Variants in CACNA1A observed in about 807,000 individuals in gnomAD.
The protein encoded by CACNA1A is calcium voltage-gated channel subunit alpha1 A, also known as voltage-dependent P/Q-type calcium channel subunit alpha-1A.
Under a neutral mutation model 262.4 loss-of-function variants are expected in CACNA1A, and 57 were observed. That is an observed-to-expected ratio of 0.22 (90% CI 0.18 to 0.27). The LOEUF is 0.27. Among genes scored for constraint, CACNA1A ranks in the 10% least tolerant of loss-of-function variants. The pLI, the probability that CACNA1A is intolerant of heterozygous loss-of-function variation, is 1.00. For missense variants in CACNA1A, 2,526 were observed against 3,562.8 expected (o/e 0.71, Z 7.41); for synonymous variants, 1,431 against 1,419.3 (o/e 1.01, Z -0.18).
intron 43 of CACNA1A, chr19:13,211,180 A>G: frequency 5.9e-6 from 1 of 168,378 alleles, no homozygotes; most frequent in South Asian, 1.4e-4. Context: ...ACCCTGGTCC[A>G]GCCAGGCACA....
At chr19:13,375,517 G>T (rs1324040979) in intron 3 of CACNA1A, among the ~76,000 whole-genome samples, 1 of 152,200 alleles carries the variant, frequency 6.6e-6, no homozygotes, top group Non-Finnish European at 1.5e-5. Context: ...GCCAGGGATG[G>T]TGGCTCATGC....
chr19:13,456,098 C>T (rs1283791696), intron 1 of CACNA1A, among the ~76,000 whole-genome samples: 4 of 149,264 alleles, frequency 2.7e-5, no homozygotes, highest in South Asian at 4.3e-4. Flanking sequence ...TGCAGTGAGC[C>T]GAGATCATGC....
Position 13,239,754 on chromosome 19 carries a change from G to T in CACNA1A, c.4951-4024C>A, listed in dbSNP as rs113524359. Among the ~76,000 whole-genome samples, 516 of 152,104 alleles carry T rather than the reference G, an allele frequency of 3.4e-3. 4 individuals carry two copies. The highest frequency in any genetic ancestry group is 0.012 in the African/African-American group (496 of 41,506). On this transcript the variant is annotated intron_variant, in intron 31 of 46. Transcript: ENST00000360228. ...GTGTGCAGTATGTACTGGAGTGGGG[G>T]TACAGGGTGGGTAGATGTAGCAGAG...
At chr19:13,489,936 C>T (rs1322046408) in intron 1 of CACNA1A, among the ~76,000 whole-genome samples, 2 of 152,180 alleles carry the variant, frequency 1.3e-5, no homozygotes, top group African/African-American at 4.8e-5. Flanking sequence ...AGCCTTAGTA[C>T]TTACCACACT....
intron 3 of CACNA1A, 95 bp from the exon 4 acceptor site, chr19:13,371,874 G>T: frequency 1.1e-6 from 1 of 893,764 alleles, no homozygotes; most frequent in Non-Finnish European, 1.8e-6. Context: ...GTCCTGTATT[G>T]GTTGGGTGAC....
intron 3 of CACNA1A, among the ~76,000 whole-genome samples, chr19:13,436,193 T>A (rs536565452): frequency 1.7e-4 from 26 of 152,308 alleles, no homozygotes; most frequent in African/African-American, 6.3e-4. Context: ...GAGCCTTCGC[T>A]TTTTCGAAGC....
chr19:13,209,241 T>TCCGC, intron 45 of CACNA1A, 71 bp downstream of exon 45: 1 of 1,418,914 alleles, frequency 7.0e-7, no homozygotes, highest in Non-Finnish European at 9.2e-7. Context: ...TAGTGTCTCC[T>TCCGC]CCGCCCTGCC....
chr19:13,252,803 G>A, intron 30 of CACNA1A, 188 bp downstream of exon 30: 2 of 460,376 alleles, frequency 4.3e-6, no homozygotes, highest in Non-Finnish European at 7.8e-6. Context: ...CTCACAGGTT[G>A]GGTCTCCCTG....
At chr19:13,246,873 G>A (rs551473251) in intron 30 of CACNA1A, among the ~76,000 whole-genome samples, 28 of 152,046 alleles carry the variant, frequency 1.8e-4, no homozygotes, top group African/African-American at 6.5e-4. Flanking sequence ...TGATCCATCC[G>A]CCTCGGCCTC....
intron 3 of CACNA1A, among the ~76,000 whole-genome samples, chr19:13,396,691 T>C (rs187631702): frequency 8.6e-4 from 131 of 152,330 alleles, no homozygotes; most frequent in Admixed American, 1.8e-3. Flanking sequence ...GATTACATAA[T>C]CGAGGGCGTG....
chr19:13,367,294 CAA>C (rs71168702), intron 4 of CACNA1A, among the ~76,000 whole-genome samples: 3 of 64,786 alleles, frequency 4.6e-5, no homozygotes, highest in African/African-American at 2.1e-4. Context: ...GACTCTGTCT[CAA>C]AAAAAAAAAA....
intron 1 of CACNA1A, among the ~76,000 whole-genome samples, chr19:13,492,924 AG>A (rs36106920): frequency 6.6e-6 from 1 of 152,090 alleles, no homozygotes; most frequent in Non-Finnish European, 1.5e-5. Context: ...TACGTTCCTA[AG>A]GGTGTGGGGA....
At chr19:13,313,973 T>A (rs2058080615) in intron 11 of CACNA1A, among the ~76,000 whole-genome samples, 1 of 152,168 alleles carries the variant, frequency 6.6e-6, no homozygotes, top group South Asian at 2.1e-4. Flanking sequence ...CCCCTAGAAA[T>A]CCTGTGTTGT....
intron 30 of CACNA1A, among the ~76,000 whole-genome samples, chr19:13,246,390 C>T (rs2056234791): frequency 6.6e-6 from 1 of 152,186 alleles, no homozygotes; most frequent in Non-Finnish European, 1.5e-5. Flanking sequence ...TCTCTAGCCT[C>T]TCAACCCTGG....
intron 6 of CACNA1A, among the ~76,000 whole-genome samples, chr19:13,357,576 C>T (rs2059027701): frequency 6.6e-6 from 1 of 152,198 alleles, no homozygotes. Context: ...GAATCCTTGG[C>T]TCTGCCCCAC....
At chr19:13,376,855 T>C (rs1039148000) in intron 3 of CACNA1A, among the ~76,000 whole-genome samples, 7 of 144,234 alleles carry the variant, frequency 4.9e-5, no homozygotes, top group Admixed American at 2.8e-4. Context: ...ATATAACACA[T>C]ATGTTATATG....
In CACNA1A at chr19:13,337,595, G is replaced by A. The variant is rs183587534; in HGVS notation, c.979-1686C>T. On this transcript the variant is annotated intron_variant, in intron 6 of 46. Coordinates refer to ENST00000360228, the MANE Select transcript of CACNA1A (RefSeq NM_001127222.2). ...CTATTTCCAAATAAGGTCACATTCT[G>A]AGGTACTGGGGGTTAGGACTTCAAC... Among the ~76,000 whole-genome samples the A allele has an allele frequency of 2.0e-5, 3 of 152,292 alleles. No individual in the cohort carries two copies. The East Asian group carries it at 5.8e-4, about 29-fold the overall frequency.
chr19:13,300,078 G>A lies in CACNA1A; in HGVS notation c.2279+472C>T, dbSNP rs755214351. On this transcript the variant is annotated intron_variant, in intron 18 of 46. Transcript: ENST00000360228. ...TGTTCACCTCCTGCTGTGCAGCCCC[G>A]TTCCTAATAGGCCTCGGCCTGGTAC... Among the ~76,000 whole-genome samples, 4 of 152,114 alleles carry A rather than the reference G, an allele frequency of 2.6e-5. No homozygotes were observed. The East Asian group carries it at 7.7e-4, about 29-fold the overall frequency.
At position 13,236,851 on chromosome 19, in the gene CACNA1A, G is replaced by A. The variant is rs2055893829; in HGVS notation, c.4951-1121C>T. ...CAGAGAGTTGGAGAGTCAGGGAGGA[G>A]ACCAGCTAGAGTTAAGTGGCCATTG... On this transcript the variant is annotated intron_variant, in intron 31 of 46. Transcript: ENST00000360228. The surrounding 1 kb of genome is among the most constrained non-coding windows in gnomAD (Gnocchi z 4.6). Among the ~76,000 whole-genome samples the A allele has an allele frequency of 6.6e-6, 1 of 152,122 alleles. No homozygotes were observed. Among genetic ancestry groups the A allele is most frequent in the Admixed American group, 6.5e-5 (1 of 15,270 alleles).
Sources: gnomAD v4.1 joint callset for allele counts (sites outside exome capture counted in the v4.1 genomes callset) on GRCh38, gnomAD v4.1.1 for gene constraint, Gnocchi (gnomAD v3.1) non-coding constraint, MANE v1.5 for transcripts, NCBI Gene and HGNC (gene_info 2026-07-23, HGNC 2026-07-21) for gene names.